The following FHIT variants were observed in gnomAD, a reference collection of about 807,000 sequenced individuals.
FHIT encodes the protein fragile histidine triad diadenosine triphosphatase, also known as bis(5'-adenosyl)-triphosphatase.
Under a neutral mutation model 17.9 loss-of-function variants are expected in FHIT, and 19 were observed. The ratio of observed to expected loss-of-function variants is 1.06; its 90% CI spans 0.74 to 1.56. FHIT has a LOEUF of 1.56. Ranked by LOEUF, FHIT falls within the 40% of genes most tolerant of loss-of-function variation. FHIT has a pLI of 0.00. For synonymous variants in FHIT, 81 were observed against 69.7 expected (o/e 1.16, Z -0.81); for missense variants, 248 against 189.2 (o/e 1.31, Z -1.82).
At chr3:60,164,988 C>G (rs112001818) in intron 5 of FHIT, among the ~76,000 whole-genome samples, 1 of 152,068 alleles carries the variant, frequency 6.6e-6, no homozygotes, top group African/African-American at 2.4e-5. Flanking sequence ...AACGCAAAAA[C>G]AAGTTTTATT....
At chr3:60,672,904 T>TGTGTGTGTGC (rs1159104600) in intron 4 of FHIT, among the ~76,000 whole-genome samples, 21 of 151,350 alleles carry the variant, frequency 1.4e-4, no homozygotes, top group African/African-American at 4.1e-4. Context: ...TGTGTGTGTG[T>TGTGTGTGTGC]GTGCATGCAT....
intron 3 of FHIT, among the ~76,000 whole-genome samples, chr3:60,901,231 G>A (rs1706098540): frequency 6.6e-6 from 1 of 151,866 alleles, no homozygotes; most frequent in South Asian, 2.1e-4. Context: ...TGTTCATCAT[G>A]GATTTTTCTG....
At chr3:60,409,688 C>T (rs1387739141) in intron 5 of FHIT, among the ~76,000 whole-genome samples, 1 of 152,154 alleles carries the variant, frequency 6.6e-6, no homozygotes, top group Non-Finnish European at 1.5e-5. Context: ...CATCTAAAGT[C>T]ATACTTCCCT....
intron 4 of FHIT, among the ~76,000 whole-genome samples, chr3:60,595,627 A>ATATG (rs142401029): frequency 3.3e-5 from 5 of 150,280 alleles, no homozygotes; most frequent in Non-Finnish European, 5.9e-5. Context: ...GTATGTATAT[A>ATATG]TGTGTGTGTG....
At chr3:60,347,188 T>C (rs933475251) in intron 5 of FHIT, among the ~76,000 whole-genome samples, 2 of 152,162 alleles carry the variant, frequency 1.3e-5, no homozygotes, top group Admixed American at 1.3e-4. Flanking sequence ...TAAAGAAGAA[T>C]AGACTAACTT....
intron 5 of FHIT, among the ~76,000 whole-genome samples, chr3:60,443,374 G>A: frequency 6.6e-6 from 1 of 152,096 alleles, no homozygotes; most frequent in East Asian, 1.9e-4. Flanking sequence ...AATGCTTCCA[G>A]TTTTTGCCCA....
intron 8 of FHIT, among the ~76,000 whole-genome samples, chr3:59,817,159 C>T (rs558942532): frequency 5.3e-5 from 8 of 152,274 alleles, no homozygotes; most frequent in African/African-American, 1.9e-4. Flanking sequence ...ATAAGATCCT[C>T]TGTTTTCTAA....
chr3:61,123,357 G>A (rs2036514913), intron 2 of FHIT, among the ~76,000 whole-genome samples: 1 of 152,084 alleles, frequency 6.6e-6, no homozygotes, highest in Admixed American at 6.6e-5. Flanking sequence ...TTCAGTGGCT[G>A]GGGCGCTAGG....
intron 5 of FHIT, among the ~76,000 whole-genome samples, chr3:60,231,439 C>T (rs1704492259): frequency 6.6e-6 from 1 of 152,186 alleles, no homozygotes; most frequent in African/African-American, 2.4e-5. Flanking sequence ...CCTGCCGCAG[C>T]CTTCCAGGTA....
In FHIT at chr3:60,896,655, T is replaced by C. The variant is rs374994750; in HGVS notation, c.-110-74644A>G. Reference sequence around the variant, plus strand: ...GGCCATGCCCATCTGGGAAACCACCTGGGCAGGTACCTTCCAACCAAATTG... The same window carrying C: ...GGCCATGCCCATCTGGGAAACCACCCGGGCAGGTACCTTCCAACCAAATTG... On this transcript the variant is annotated intron_variant, in intron 3 of 9. Coordinates refer to ENST00000492590, the MANE Select transcript of FHIT (RefSeq NM_002012.4). Among the ~76,000 whole-genome samples the C allele has an allele frequency of 1.6e-4, 25 of 152,362 alleles. No homozygotes were observed. The South Asian group carries it at 5.0e-3, about 30-fold the overall frequency.
At position 60,461,440 on chromosome 3, in the gene FHIT, T is replaced by C. The variant is rs549489868; in HGVS notation, c.103+75420A>G. On this transcript the variant is annotated intron_variant, in intron 5 of 9. Coordinates refer to ENST00000492590, the MANE Select transcript of FHIT (RefSeq NM_002012.4). Reference sequence around the variant, plus strand: ...AGTCAGCTAAATAAAATTAAGCAACTAATAAAACAATATGTCATCTTGTTC... The same window carrying C: ...AGTCAGCTAAATAAAATTAAGCAACCAATAAAACAATATGTCATCTTGTTC... Among the ~76,000 whole-genome samples the C allele has an allele frequency of 3.3e-4, 39 of 117,840 alleles. 2 individuals carry two copies. Among genetic ancestry groups the C allele is most frequent in the African/African-American group, 1.4e-3 (33 of 23,730 alleles). 77.3% of individuals were successfully genotyped at this position (117,840 alleles called of 152,430 possible). A position where few individuals can be genotyped will look rare whatever the true frequency, so the allele number is the denominator to read the frequency against.
At chr3:60,330,980 C>A (rs942691411) in intron 5 of FHIT, among the ~76,000 whole-genome samples, 1 of 152,192 alleles carries the variant, frequency 6.6e-6, no homozygotes, top group African/African-American at 2.4e-5. Context: ...TTCTAAGGGA[C>A]AAATGTGACC....
chr3:60,677,463 T>C (rs373629643), intron 4 of FHIT, among the ~76,000 whole-genome samples: 3 of 152,180 alleles, frequency 2.0e-5, no homozygotes, highest in Admixed American at 6.5e-5. Context: ...ATTCCATCCA[T>C]GTTGTTGTAA....
chr3:60,803,940 A>C (rs1193577584), intron 4 of FHIT, among the ~76,000 whole-genome samples: 1 of 152,218 alleles, frequency 6.6e-6, no homozygotes, highest in Non-Finnish European at 1.5e-5. Context: ...ATTCATGACA[A>C]ACAGTGGCTC....
At chr3:60,367,760 T>C (rs989519308) in intron 5 of FHIT, among the ~76,000 whole-genome samples, 6 of 152,200 alleles carry the variant, frequency 3.9e-5, no homozygotes, top group Non-Finnish European at 7.4e-5. Context: ...TACAAAGCTC[T>C]AATCAAGTTA....
intron 7 of FHIT, among the ~76,000 whole-genome samples, chr3:59,974,505 A>T (rs562075209): frequency 1.3e-5 from 2 of 152,162 alleles, no homozygotes; most frequent in African/African-American, 4.8e-5. Context: ...AGCATGAGAA[A>T]CAAACACAGA....
At chr3:60,005,061 A>T (rs1699870516) in intron 7 of FHIT, among the ~76,000 whole-genome samples, 1 of 152,062 alleles carries the variant, frequency 6.6e-6, no homozygotes, top group Non-Finnish European at 1.5e-5. Flanking sequence ...TGGGTTTGAA[A>T]CCAAGTAGTC....
At chr3:59,912,005 C>A (rs1704902757) in intron 8 of FHIT, among the ~76,000 whole-genome samples, 1 of 152,130 alleles carries the variant, frequency 6.6e-6, no homozygotes, top group Non-Finnish European at 1.5e-5. Flanking sequence ...AGCCAGACAG[C>A]CTAAGTATGA....
chr3:60,221,954 G>GCA (rs1703981132), intron 5 of FHIT, among the ~76,000 whole-genome samples: 1 of 151,852 alleles, frequency 6.6e-6, no homozygotes, highest in Non-Finnish European at 1.5e-5. Flanking sequence ...ATGTGGGTAT[G>GCA]CACACACACA....
Sources: gnomAD v4.1 joint callset for allele counts (sites outside exome capture counted in the v4.1 genomes callset) on GRCh38, gnomAD v4.1.1 for gene constraint, MANE v1.5 for transcripts, NCBI Gene and HGNC (gene_info 2026-07-23, HGNC 2026-07-21) for gene names.